Variants in GLI3 observed in about 807,000 individuals in gnomAD.
GLI3 encodes GLI family zinc finger 3, also known as transcription activator GLI3.
A neutral mutation model predicts 100.8 loss-of-function variants in GLI3; 20 were observed. That is an observed-to-expected ratio of 0.20 (90% CI 0.14 to 0.29). The LOEUF is 0.29. Among genes scored for constraint, GLI3 ranks in the 10% least tolerant of loss-of-function variants. The probability of loss-of-function intolerance (pLI) is 1.00; values close to 1 mark genes in which losing one functional copy is unlikely to be tolerated. For missense variants in GLI3, 2,040 were observed against 2,128.5 expected, an observed-to-expected ratio of 0.96 and a Z score of 0.82; for synonymous variants, 938 against 860.5, an observed-to-expected ratio of 1.09 and a Z score of -1.58.
chr7:42,187,165 C>A, intron 2 of GLI3, among the ~76,000 whole-genome samples: 1 of 147,808 alleles, frequency 6.8e-6, no homozygotes. Flanking sequence ...AAGCCCCGAT[C>A]ATGCCACTAC....
intron 2 of GLI3, among the ~76,000 whole-genome samples, chr7:42,211,966 T>C (rs1053926905): frequency 7.2e-5 from 11 of 152,238 alleles, no homozygotes; most frequent in Admixed American, 2.0e-4. Flanking sequence ...ATTCAACTTT[T>C]CTTTCTTGAG....
chr7:42,122,715 G>T (rs892611382), intron 3 of GLI3, among the ~76,000 whole-genome samples: 1 of 152,246 alleles, frequency 6.6e-6, no homozygotes, highest in African/African-American at 2.4e-5. Flanking sequence ...AAAAGCATGT[G>T]CAAGTCAAGT....
chr7:41,981,563 C>T (rs1482911056), intron 10 of GLI3, among the ~76,000 whole-genome samples: 2 of 152,154 alleles, frequency 1.3e-5, no homozygotes, highest in African/African-American at 4.8e-5. Context: ...AGGAGCTGGA[C>T]CCTAGAAAGA....
intron 1 of GLI3, among the ~76,000 whole-genome samples, chr7:42,229,246 CT>C (rs1157434532): frequency 1.3e-5 from 2 of 152,116 alleles, no homozygotes; most frequent in South Asian, 2.1e-4. Flanking sequence ...ACTCTCTTCT[CT>C]TTTTTTTCTT....
Position 42,116,783 on chromosome 7 carries a change from C to A in GLI3, c.367+31443G>T, listed in dbSNP as rs181425853. 3.8e-3 allele frequency among the ~76,000 whole-genome samples: 580 copies of A among 152,046 alleles called. 3 individuals are homozygous for A. The highest frequency in any genetic ancestry group is 0.013 in the African/African-American group (547 of 41,366). On this transcript the variant is annotated intron_variant, in intron 3 of 14. Coordinates refer to ENST00000395925, the MANE Select transcript of GLI3 (RefSeq NM_000168.6). Reference sequence around the variant, plus strand: ...TAATAGGATCCATAAACACAGACAGCTAAAGCTCCATCACTTTTAACACGC... The same window carrying A: ...TAATAGGATCCATAAACACAGACAGATAAAGCTCCATCACTTTTAACACGC...
intron 2 of GLI3, chr7:42,150,048 G>T (rs1429910461): frequency 6.6e-6 from 1 of 152,164 alleles, no homozygotes; most frequent in African/African-American, 2.4e-5. Flanking sequence ...GAACAGAAAA[G>T]ACAATGAGGT....
Position 42,170,344 on chromosome 7 carries a change from A to C in GLI3, c.125-21876T>G, listed in dbSNP as rs1338054199. Among the ~76,000 whole-genome samples, 3 of 148,236 alleles carry C rather than the reference A, an allele frequency of 2.0e-5. No individual in the cohort carries two copies. In the East Asian group the frequency reaches 5.9e-4, roughly 29 times the overall value. On this transcript the variant is annotated intron_variant, in intron 2 of 14. Coordinates refer to ENST00000395925, the MANE Select transcript of GLI3 (RefSeq NM_000168.6). ...TCAATGTAGAAATAAATGTGTTTTT[A>C]TCAGGGCTGTTTCAAACTTAAATAT...
intron 2 of GLI3, among the ~76,000 whole-genome samples, chr7:42,162,900 T>C (rs1787159093): frequency 6.6e-6 from 1 of 150,940 alleles, no homozygotes; most frequent in African/African-American, 2.4e-5. Flanking sequence ...TCTGTTTCCC[T>C]TTCTATGCAT....
intron 7 of GLI3, among the ~76,000 whole-genome samples, chr7:42,026,621 G>A (rs1283859144): frequency 8.7e-4 from 133 of 152,294 alleles, no homozygotes; most frequent in Admixed American, 6.5e-5. Flanking sequence ...ACACATACAC[G>A]CAGACCTAAA....
chr7:42,072,135 C>T (rs1281128435), intron 4 of GLI3, among the ~76,000 whole-genome samples: 1 of 152,176 alleles, frequency 6.6e-6, no homozygotes, highest in Admixed American at 6.5e-5. Context: ...TTCACATCCA[C>T]AGCACAAAGC....
chr7:42,251,171 G>A (rs983416585), intron 1 of GLI3, among the ~76,000 whole-genome samples: 7 of 152,202 alleles, frequency 4.6e-5, no homozygotes, highest in Non-Finnish European at 1.0e-4. Context: ...AGGGCCTCTG[G>A]TCCAGCCGCC....
intron 2 of GLI3, among the ~76,000 whole-genome samples, chr7:42,195,637 G>T (rs759535677): frequency 1.3e-5 from 2 of 152,082 alleles, no homozygotes; most frequent in Non-Finnish European, 2.9e-5. Context: ...GCTCTATTGC[G>T]GCAATCATCA....
At chr7:42,084,397 ACTT>A (rs1785059144) in intron 3 of GLI3, among the ~76,000 whole-genome samples, 1 of 152,130 alleles carries the variant, frequency 6.6e-6, no homozygotes, top group African/African-American at 2.4e-5. Flanking sequence ...GAAACTTCTA[ACTT>A]CTTCTGTCCG....
At chr7:42,202,346 T>TCTCACA (rs1184635369) in intron 2 of GLI3, among the ~76,000 whole-genome samples, 10 of 115,248 alleles carry the variant, frequency 8.7e-5, no homozygotes, top group African/African-American at 3.3e-4. Flanking sequence ...TCTCTCTCTC[T>TCTCACA]CACACACACA....
rs1786940794 is a variant in GLI3, at chr7:42,154,002, G to T, written c.125-5534C>A. 2.0e-5 allele frequency among the ~76,000 whole-genome samples: 3 copies of T among 151,356 alleles called. No individual in the cohort carries two copies. The South Asian group carries it at 6.2e-4, about 31-fold the overall frequency. On this transcript the variant is annotated intron_variant, in intron 2 of 14. Coordinates refer to ENST00000395925, the MANE Select transcript of GLI3 (RefSeq NM_000168.6). ...CTGAATCCACACCTCCCTGTCCCCT[G>T]TTAACAGGACAAGAGCTCTGTTCCT...
Position 41,967,633 on chromosome 7 carries a change from G to T in GLI3, c.2394C>A (p.Pro798=), listed in dbSNP as rs1787222205. The T allele has an allele frequency of 1.2e-6, 2 of 1,613,814 alleles. No individual in the cohort carries two copies. The highest frequency in any genetic ancestry group is 1.7e-4 in the Middle Eastern group (1 of 5,938). Residue 798 remains proline, a synonymous_variant, in exon 14 of 15, where the codon CCC becomes CCA. Transcript: ENST00000395925. ...GMFPRLNPIL[P]PKAPAVSPLI... is the part of the protein sequence containing the mutation. ...GAGGAGAGACCGCAGGGGCTTTAGG[G>T]GGTAGAATGGGGTTCAGTCGCGGAA... is the stretch of plus-strand genomic sequence containing the variant.
chr7:41,975,356 T>G (rs1204935711), intron 12 of GLI3, among the ~76,000 whole-genome samples: 1 of 152,336 alleles, frequency 6.6e-6, no homozygotes, highest in East Asian at 1.9e-4. Context: ...GGCAAATCAC[T>G]TGATTCATCT....
At chr7:42,089,400 C>T (rs953535057) in intron 3 of GLI3, among the ~76,000 whole-genome samples, 19 of 152,184 alleles carry the variant, frequency 1.2e-4, no homozygotes, top group African/African-American at 4.6e-4. Flanking sequence ...TGAAACAAAG[C>T]ATGGATTTAA....
At chr7:42,021,336 T>C (rs1788936016) in intron 10 of GLI3, among the ~76,000 whole-genome samples, 1 of 152,244 alleles carries the variant, frequency 6.6e-6, no homozygotes, top group Non-Finnish European at 1.5e-5. Context: ...GAAATTAAAA[T>C]AGTCCACTGT....
Sources: gnomAD v4.1 joint callset for allele counts (sites outside exome capture counted in the v4.1 genomes callset) on GRCh38, gnomAD v4.1.1 for gene constraint, MANE v1.5 for transcripts, NCBI Gene and HGNC (gene_info 2026-07-23, HGNC 2026-07-21) for gene names.